TOGARAM2: variants seen among roughly 807,000 people sequenced by gnomAD.
TOGARAM2 encodes the protein TOG array regulator of axonemal microtubules 2.
In TOGARAM2, 85 loss-of-function variants were observed where a neutral mutation model predicts 93.3. That is an observed-to-expected ratio of 0.91 (90% CI 0.76 to 1.09). The LOEUF is 1.09. Ranked by LOEUF, TOGARAM2 falls within the 50% of genes least tolerant of loss-of-function variation. The pLI, the probability that TOGARAM2 is intolerant of heterozygous loss-of-function variation, is 0.00. For synonymous variants in TOGARAM2, 593 were observed against 552.8 expected (o/e 1.07, Z -1.02); for missense variants, 1,277 against 1,334.5 (o/e 0.96, Z 0.67).
At chr2:28,982,058 G>A (rs1169003022) in intron 1 of TOGARAM2, among the ~76,000 whole-genome samples, 1 of 152,206 alleles carries the variant, frequency 6.6e-6, no homozygotes, top group African/African-American at 2.4e-5. Flanking sequence ...GTGGACTTGA[G>A]CTCTTTGCCT....
chr2:29,036,981 G>A (rs1246304479), intron 18 of TOGARAM2, among the ~76,000 whole-genome samples: 3 of 152,144 alleles, frequency 2.0e-5, no homozygotes, highest in Non-Finnish European at 4.4e-5. Context: ...GAGGTGATGT[G>A]GAGATGATCC....
At chr2:29,040,267 T>C (rs1666352860) in intron 18 of TOGARAM2, among the ~76,000 whole-genome samples, 1 of 152,190 alleles carries the variant, frequency 6.6e-6, no homozygotes, top group African/African-American at 2.4e-5. Context: ...TGGGCAGTCT[T>C]TCTAGTTAAT....
intron 10 of TOGARAM2, 124 bp downstream of exon 10, chr2:29,018,080 G>T: frequency 9.0e-7 from 1 of 1,108,216 alleles, no homozygotes; most frequent in Non-Finnish European, 1.2e-6. Context: ...TAGACCAGGA[G>T]GCAGCCTGGG....
intron 10 of TOGARAM2, among the ~76,000 whole-genome samples, chr2:29,020,756 G>A (rs76983805): frequency 2.1e-3 from 314 of 152,312 alleles, no homozygotes; most frequent in African/African-American, 7.0e-3. Context: ...TGTCATTCAC[G>A]TCCGTGCTGC....
chr2:29,027,063 C>G, intron 14 of TOGARAM2, 52 bp downstream of exon 14: 1 of 1,482,938 alleles, frequency 6.7e-7, no homozygotes, highest in South Asian at 1.3e-5. Flanking sequence ...ACCAGCCAGC[C>G]CTGAGGGGCC....
At chr2:28,966,361 G>T (rs1671867521) in intron 1 of TOGARAM2, among the ~76,000 whole-genome samples, 2 of 152,078 alleles carry the variant, frequency 1.3e-5, no homozygotes, top group South Asian at 2.1e-4. Context: ...TCAGTGGTGT[G>T]ATCTCAGCTC....
At position 28,967,391 on chromosome 2, in the gene TOGARAM2, C is replaced by A. The variant is rs1671882156; in HGVS notation, c.-147+10694C>A. Among the ~76,000 whole-genome samples the A allele has an allele frequency of 2.6e-5, 4 of 152,224 alleles. No individual in the cohort carries two copies. The South Asian group carries it at 8.3e-4, about 32-fold the overall frequency. ...TCAGGAAGATGAGGTGGGAGGATCC[C>A]TTGAGCCCAGGCACTTGAGGCTGTA... On this transcript the variant is annotated intron_variant, in intron 1 of 6. Coordinates refer to the TOGARAM2 transcript ENST00000401723.
At chr2:28,986,623 C>T (rs1350645579) in intron 1 of TOGARAM2, among the ~76,000 whole-genome samples, 1 of 152,198 alleles carries the variant, frequency 6.6e-6, no homozygotes, top group African/African-American at 2.4e-5. Context: ...TCCTGCTCAC[C>T]CTGGACAGCT....
At chr2:28,990,367 T>C (rs769870184) in intron 1 of TOGARAM2, among the ~76,000 whole-genome samples, 2 of 152,152 alleles carry the variant, frequency 1.3e-5, no homozygotes, top group Non-Finnish European at 2.9e-5. Flanking sequence ...GGTCAGATAA[T>C]GCCATTCCTC....
intron 1 of TOGARAM2, among the ~76,000 whole-genome samples, chr2:28,972,046 C>T (rs111461105): frequency 8.5e-5 from 13 of 152,258 alleles, no homozygotes; most frequent in African/African-American, 2.2e-4. Flanking sequence ...GGCCCTGAGA[C>T]ATGGGATAGG....
At chr2:28,985,605 G>C (rs1244643694) in intron 1 of TOGARAM2, among the ~76,000 whole-genome samples, 1 of 152,148 alleles carries the variant, frequency 6.6e-6, no homozygotes, top group Non-Finnish European at 1.5e-5. Flanking sequence ...CACAAAGGTG[G>C]GGGCAGGTTC....
At chr2:29,028,406 A>G (rs983307552) in intron 14 of TOGARAM2, among the ~76,000 whole-genome samples, 2 of 152,196 alleles carry the variant, frequency 1.3e-5, no homozygotes, top group Admixed American at 6.5e-5. Context: ...ACCGTGGGTC[A>G]GATGCATGTG....
chr2:28,962,597 C>G (rs1465624144), intron 1 of TOGARAM2, among the ~76,000 whole-genome samples: 1 of 152,098 alleles, frequency 6.6e-6, no homozygotes, highest in Non-Finnish European at 1.5e-5. Context: ...TATGGATATG[C>G]CACAAGTTGT....
chr2:28,994,830 A>C lies in TOGARAM2; in HGVS notation c.-5A>C. The C allele has an allele frequency of 6.4e-7, 1 of 1,552,362 alleles. No individual in the cohort carries two copies. The highest frequency in any genetic ancestry group is 1.2e-5 in the South Asian group (1 of 84,096). ...AACCTTGTAGGCACCTTCTCCACCC[A>C]GGACATGGGCACCCGTGACGATGTC... On this transcript the variant is annotated 5_prime_UTR_variant, in exon 2 of 20. Transcript: ENST00000379558.
chr2:29,004,965 T>C lies in TOGARAM2; in HGVS notation c.830+1283T>C, dbSNP rs1301063290. ...GTGCATGTGTGTGCATGTGTATGTG[T>C]GTGAGTGCATGTGTGTATGTGTGTG... On this transcript the variant is annotated intron_variant, in intron 6 of 19. Transcript: ENST00000379558. Among the ~76,000 whole-genome samples the C allele has an allele frequency of 3.1e-4, 42 of 134,602 alleles. 1 individual carries two copies. The East Asian group carries it at 3.3e-3, about 11-fold the overall frequency. 88.3% of individuals were successfully genotyped at this position (134,602 alleles called of 152,430 possible). A position where few individuals can be genotyped will look rare whatever the true frequency, so the allele number is the denominator to read the frequency against.
chr2:29,002,257 C>G (rs1367637168), intron 4 of TOGARAM2, among the ~76,000 whole-genome samples: 1 of 152,220 alleles, frequency 6.6e-6, no homozygotes, highest in African/African-American at 2.4e-5. Context: ...ACCTGCCATG[C>G]TTCCTCCTGA....
chr2:29,041,372 T>A (rs1335946301), intron 18 of TOGARAM2, among the ~76,000 whole-genome samples: 1 of 152,204 alleles, frequency 6.6e-6, no homozygotes, highest in African/African-American at 2.4e-5. Flanking sequence ...ATAACTTGCA[T>A]GTTTCTGTGC....
intron 10 of TOGARAM2, chr2:29,018,242 G>T (rs1230784123): frequency 2.6e-6 from 1 of 389,732 alleles, no homozygotes; most frequent in African/African-American, 2.1e-5. Context: ...GAGGGCCAAA[G>T]ACACTAGACA....
rs556498777 is a variant in TOGARAM2, at chr2:29,010,823, G to A, written c.831-632G>A. Among the ~76,000 whole-genome samples the A allele has an allele frequency of 9.2e-5, 14 of 152,316 alleles. No individual in the cohort carries two copies. In the East Asian group the frequency reaches 2.7e-3, roughly 29 times the overall value. ...TCTTCAGTAAATATCTGTTGAATAA[G>A]TAAATGGTGCTTCCAACTTAAGAAA... is the stretch of plus-strand genomic sequence containing the variant. On this transcript the variant is annotated intron_variant, in intron 6 of 19. Transcript: ENST00000379558.
Sources: allele counts gnomAD v4.1 joint callset (sites outside exome capture counted in the v4.1 genomes callset), GRCh38; gene constraint gnomAD v4.1.1; transcripts MANE v1.5; gene names NCBI Gene and HGNC (gene_info 2026-07-23, HGNC 2026-07-21).